FBXO42: variants seen among roughly 807,000 people sequenced by gnomAD.
The protein encoded by FBXO42 is F-box protein 42.
Under a neutral mutation model 71.7 loss-of-function variants are expected in FBXO42, and 12 were observed. That is an observed-to-expected ratio of 0.17 (90% CI 0.11 to 0.27). The LOEUF is 0.27. Ranked by LOEUF, FBXO42 falls within the 10% of genes least tolerant of loss-of-function variation. The pLI, the probability that FBXO42 is intolerant of heterozygous loss-of-function variation, is 1.00. For missense variants in FBXO42, 707 were observed against 911.9 expected (o/e 0.78, Z 2.89); for synonymous variants, 325 against 327.5 (o/e 0.99, Z 0.08).
At chr1:16,317,918 C>T (rs999041916) in intron 1 of FBXO42, among the ~76,000 whole-genome samples, 3 of 144,306 alleles carry the variant, frequency 2.1e-5, no homozygotes, top group Admixed American at 7.0e-5. Context: ...GACCATGTCT[C>T]GAAGAAAAAA....
At chr1:16,263,538 A>G (rs1276765806) in intron 4 of FBXO42, among the ~76,000 whole-genome samples, 1 of 151,878 alleles carries the variant, frequency 6.6e-6, no homozygotes, top group South Asian at 2.1e-4. Context: ...CCTGACCAAC[A>G]TGGTGAAGCC....
chr1:16,348,110 A>G (rs1487098864), intron 1 of FBXO42, among the ~76,000 whole-genome samples: 2 of 152,178 alleles, frequency 1.3e-5, no homozygotes, highest in Admixed American at 1.3e-4. Context: ...ATATCCTTGT[A>G]CATGTAGCAA....
chr1:16,305,689 G>C, intron 3 of FBXO42, 114 bp downstream of exon 3: 1 of 857,108 alleles, frequency 1.2e-6, no homozygotes, highest in Non-Finnish European at 2.0e-6. Context: ...ACTCCAGCTT[G>C]GGTGATAGAG....
intron 3 of FBXO42, among the ~76,000 whole-genome samples, chr1:16,304,910 G>A (rs959110780): frequency 4.0e-5 from 6 of 151,808 alleles, no homozygotes; most frequent in South Asian, 2.1e-4. Context: ...TGGAGGTTGC[G>A]GTGAGCCAAG....
chr1:16,318,961 CAG>C (rs1318116814), intron 1 of FBXO42, among the ~76,000 whole-genome samples: 1 of 152,190 alleles, frequency 6.6e-6, no homozygotes, highest in Non-Finnish European at 1.5e-5. Flanking sequence ...AGCCTCCTTA[CAG>C]ATGGACAGTA....
chr1:16,279,321 A>T (rs1480898578), intron 4 of FBXO42, among the ~76,000 whole-genome samples: 23 of 152,076 alleles, frequency 1.5e-4, no homozygotes, highest in Admixed American at 1.5e-3. Flanking sequence ...AGCTTGAAAG[A>T]AGGGAGGCTG....
At chr1:16,280,359 G>A (rs2081950344) in intron 4 of FBXO42, among the ~76,000 whole-genome samples, 1 of 152,110 alleles carries the variant, frequency 6.6e-6, no homozygotes, top group African/African-American at 2.4e-5. Context: ...AGCCTAAGGA[G>A]ACAAAAAGCC....
chr1:16,262,494 G>A (rs2081725333), intron 4 of FBXO42, among the ~76,000 whole-genome samples: 2 of 152,158 alleles, frequency 1.3e-5, no homozygotes, highest in Admixed American at 1.3e-4. Context: ...ATCACTTGAG[G>A]CCAGGCGTTT....
intron 4 of FBXO42, among the ~76,000 whole-genome samples, chr1:16,261,650 A>G (rs1311463379): frequency 6.6e-6 from 1 of 152,152 alleles, no homozygotes. Context: ...AGATCAACAT[A>G]CAGCTTTTAT....
chr1:16,334,653 C>T (rs1172046818), intron 1 of FBXO42, among the ~76,000 whole-genome samples: 4 of 152,002 alleles, frequency 2.6e-5, no homozygotes, highest in Non-Finnish European at 4.4e-5. Flanking sequence ...ACAGAATTCC[C>T]GACAACACAA....
chr1:16,299,158 T>C (rs2082163144), intron 3 of FBXO42, among the ~76,000 whole-genome samples: 1 of 151,754 alleles, frequency 6.6e-6, no homozygotes, highest in Admixed American at 6.6e-5. Flanking sequence ...ATTACAGGCA[T>C]GTGCCACCAT....
chr1:16,306,511 A>T (rs2082252539), intron 2 of FBXO42, among the ~76,000 whole-genome samples: 1 of 152,154 alleles, frequency 6.6e-6, no homozygotes, highest in Non-Finnish European at 1.5e-5. Context: ...GCAACATATC[A>T]AGATCATTGA....
intron 1 of FBXO42, among the ~76,000 whole-genome samples, chr1:16,343,044 T>C (rs2082621730): frequency 6.6e-6 from 1 of 152,188 alleles, no homozygotes; most frequent in Non-Finnish European, 1.5e-5. Flanking sequence ...AATAAACCTC[T>C]TTTCTTTATA....
At chr1:16,321,128 C>A (rs1234318860) in intron 1 of FBXO42, among the ~76,000 whole-genome samples, 1 of 152,178 alleles carries the variant, frequency 6.6e-6, no homozygotes, top group Non-Finnish European at 1.5e-5. Context: ...ACTCATACTG[C>A]TGTAATAGCC....
At position 16,252,155 on chromosome 1, in the gene FBXO42, C is replaced by CT; in HGVS notation, c.1038+132dup. The CT allele has an allele frequency of 1.4e-6, 1 of 728,696 alleles. No homozygotes were observed. The highest frequency in any genetic ancestry group is 2.4e-6 in the Non-Finnish European group (1 of 424,140). The allele number at this position is 728,696 out of a possible 1,614,324, so 45.1% of individuals were successfully genotyped here. ...GTGAGAAATGCCAAAGGAGCTATGG[C>CT]TAATGTTCACCTCTTTTGTGACACC... On this transcript the variant is annotated intron_variant, in intron 9 of 9. Transcript: ENST00000375592. The surrounding 1 kb of genome is among the most constrained non-coding windows in gnomAD (Gnocchi z 4.4).
At position 16,339,358 on chromosome 1, in the gene FBXO42, G is replaced by A. The variant is rs529461500; in HGVS notation, c.-18+12897C>T. ...AGATGAAGTCTCACTGTGTTGCCAG[G>A]CTGGAATGCAGTGGCATGTTCTTGG... On this transcript the variant is annotated intron_variant, in intron 1 of 9. Transcript: ENST00000375592. 3.5e-4 allele frequency among the ~76,000 whole-genome samples: 53 copies of A among 152,090 alleles called. 1 individual carries two copies. In the Middle Eastern group the frequency reaches 0.01, roughly 29 times the overall value.
chr1:16,331,415 A>G (rs1379313791), intron 1 of FBXO42, among the ~76,000 whole-genome samples: 1 of 141,386 alleles, frequency 7.1e-6, no homozygotes, highest in Non-Finnish European at 1.6e-5. Context: ...ACTCTGTCTC[A>G]AAAAGAAAAT....
chr1:16,347,308 G>A (rs1019867098), intron 1 of FBXO42, among the ~76,000 whole-genome samples: 12 of 151,448 alleles, frequency 7.9e-5, no homozygotes, highest in Admixed American at 2.6e-4. Context: ...TTGAAGACAG[G>A]AGTTCGAGAG....
chr1:16,329,820 G>A (rs930774111), intron 1 of FBXO42, among the ~76,000 whole-genome samples: 17 of 151,696 alleles, frequency 1.1e-4, no homozygotes, highest in African/African-American at 3.4e-4. Flanking sequence ...ATGGTGGTGC[G>A]CACCTGTAAG....
Sources: gnomAD v4.1 joint callset for allele counts (sites outside exome capture counted in the v4.1 genomes callset) on GRCh38, gnomAD v4.1.1 for gene constraint, Gnocchi (gnomAD v3.1) non-coding constraint, MANE v1.5 for transcripts, NCBI Gene and HGNC (gene_info 2026-07-23, HGNC 2026-07-21) for gene names.